Variants in FAM184B observed in about 807,000 individuals in gnomAD.
FAM184B encodes family with sequence similarity 184 member B.
In FAM184B, 111 loss-of-function variants were observed where a neutral mutation model predicts 135.9. The observed-to-expected ratio is 0.82, with a 90% CI of 0.70 to 0.96. The LOEUF is 0.96. Ranked by LOEUF, FAM184B falls within the 40% of genes least tolerant of loss-of-function variation. FAM184B has a pLI of 0.00. For missense variants in FAM184B, 1,375 were observed against 1,323.9 expected (o/e 1.04, Z -0.60); for synonymous variants, 552 against 524.8 (o/e 1.05, Z -0.71).
At chr4:17,678,919 A>G (rs1226635279) in intron 7 of FAM184B, among the ~76,000 whole-genome samples, 4 of 152,022 alleles carry the variant, frequency 2.6e-5, no homozygotes, top group African/African-American at 2.4e-5. Context: ...CAAAAAACAT[A>G]AAGTGGGGAA....
chr4:17,683,558 A>G (rs1716497194), intron 7 of FAM184B, among the ~76,000 whole-genome samples: 3 of 152,184 alleles, frequency 2.0e-5, no homozygotes, highest in Admixed American at 2.0e-4. Context: ...TTGCTTAACT[A>G]CTATACTATA....
At chr4:17,660,213 A>C (rs2108942154) in intron 8 of FAM184B, 126 bp from the exon 9 acceptor site, 1 of 1,155,266 alleles carries the variant, frequency 8.7e-7, no homozygotes, top group African/African-American at 1.6e-5. Flanking sequence ...TGGGGATTAG[A>C]AACATCTTGC....
chr4:17,730,711 C>T (rs1216088130), intron 1 of FAM184B, among the ~76,000 whole-genome samples: 1 of 152,168 alleles, frequency 6.6e-6, no homozygotes, highest in African/African-American at 2.4e-5. Flanking sequence ...CAGCTCCTCA[C>T]CAGCAATGGA....
At chr4:17,773,859 G>A (rs1177939908) in intron 1 of FAM184B, among the ~76,000 whole-genome samples, 2 of 152,182 alleles carry the variant, frequency 1.3e-5, no homozygotes, top group African/African-American at 4.8e-5. Context: ...TTACAGGTGT[G>A]AGCCACCGCG....
intron 1 of FAM184B, among the ~76,000 whole-genome samples, chr4:17,740,375 T>G (rs1001005932): frequency 1.5e-4 from 15 of 100,574 alleles, no homozygotes; most frequent in Non-Finnish European, 2.9e-4. Flanking sequence ...AAAAAAAAAG[T>G]CTGTGGAGTC....
chr4:17,642,366 TC>T, intron 12 of FAM184B, 138 bp from the exon 13 acceptor site: 2 of 1,362,266 alleles, frequency 1.5e-6, no homozygotes, highest in Non-Finnish European at 9.4e-7. Context: ...GCTCCTGAGT[TC>T]CCTGCAGGGA....
rs55801096 is a variant in FAM184B at position 17,740,351 on chromosome 4, C to CAAAAAA, written c.142-30713_142-30708dup. Reference sequence around the variant, plus strand: ...TGGGCGACAGAGTAAGACCCTGTCTCAAAAAAAAAAAAAAAAAAAAAAGTC... The same window carrying CAAAAAA: ...TGGGCGACAGAGTAAGACCCTGTCTCAAAAAAAAAAAAAAAAAAAAAAAAAAAAGTC... On this transcript the variant is annotated intron_variant, in intron 1 of 17. Transcript: ENST00000265018. 4.6e-4 allele frequency among the ~76,000 whole-genome samples: 39 copies of CAAAAAA among 84,510 alleles called. 2 individuals carry two copies. Among genetic ancestry groups the CAAAAAA allele is most frequent in the African/African-American group, 1.8e-3 (36 of 19,820 alleles). The allele number at this position is 84,510 out of a possible 152,430, so 55.4% of individuals were successfully genotyped here.
At chr4:17,635,186 C>T (rs1715089149) in intron 15 of FAM184B, 73 bp from the exon 16 acceptor site, 3 of 1,194,240 alleles carry the variant, frequency 2.5e-6, no homozygotes, top group Non-Finnish European at 3.6e-6. Flanking sequence ...AGGAAGATGG[C>T]TGTGAGGGCA....
intron 16 of FAM184B, among the ~76,000 whole-genome samples, chr4:17,634,789 GAC>G (rs1296227701): frequency 1.3e-5 from 2 of 151,772 alleles, no homozygotes; most frequent in African/African-American, 2.4e-5. Context: ...TCTTAATACT[GAC>G]ACACATTTAT....
At chr4:17,666,730 ACGTTGACTTGT>A (rs1716058639) in intron 7 of FAM184B, among the ~76,000 whole-genome samples, 1 of 151,680 alleles carries the variant, frequency 6.6e-6, no homozygotes, top group Non-Finnish European at 1.5e-5. Context: ...TCACGGCCTA[ACGTTGACTTGT>A]CCACTTTTTA....
At chr4:17,692,068 G>T (rs980686652) in intron 6 of FAM184B, among the ~76,000 whole-genome samples, 7 of 143,654 alleles carry the variant, frequency 4.9e-5, no homozygotes, top group Non-Finnish European at 1.1e-4. Flanking sequence ...AAAAAAAAAA[G>T]AATAACTGGG....
Position 17,657,431 on chromosome 4 carries a change from C to T in FAM184B, c.2037+919G>A, listed in dbSNP as rs145978945. On this transcript the variant is annotated intron_variant, in intron 10 of 17. Transcript: ENST00000265018. Reference sequence around the variant, plus strand: ...CCTGGCATCGTAGCTCTCTTTTATTCCCTCTCCCTTGGTTTGCTCCCTTGT... The same window carrying T: ...CCTGGCATCGTAGCTCTCTTTTATTTCCTCTCCCTTGGTTTGCTCCCTTGT... 9.0e-3 allele frequency among the ~76,000 whole-genome samples: 1,371 copies of T among 152,244 alleles called. 24 individuals are homozygous for T. Among genetic ancestry groups the T allele is most frequent in the African/African-American group, 0.032 (1,314 of 41,544 alleles).
At chr4:17,716,790 C>T (rs1243287239) in intron 1 of FAM184B, among the ~76,000 whole-genome samples, 1 of 152,098 alleles carries the variant, frequency 6.6e-6, no homozygotes, top group Admixed American at 6.6e-5. Context: ...TTGGCATTCT[C>T]AATACCAGAG....
At chr4:17,761,425 A>G (rs1053317061) in intron 1 of FAM184B, among the ~76,000 whole-genome samples, 10 of 152,012 alleles carry the variant, frequency 6.6e-5, no homozygotes, top group Non-Finnish European at 1.5e-5. Flanking sequence ...TAAGCTATCC[A>G]CTCTGTGGCA....
At chr4:17,757,234 A>C (rs1181544366) in intron 1 of FAM184B, among the ~76,000 whole-genome samples, 1 of 152,204 alleles carries the variant, frequency 6.6e-6, no homozygotes, top group Non-Finnish European at 1.5e-5. Flanking sequence ...CCTATAGATC[A>C]AATAACTCAG....
chr4:17,714,353 C>A (rs1029357186), intron 1 of FAM184B, among the ~76,000 whole-genome samples: 15 of 152,064 alleles, frequency 9.9e-5, no homozygotes, highest in African/African-American at 2.4e-5. Context: ...TTAAGAAGGG[C>A]TTATGTCCTT....
chr4:17,765,861 T>C (rs1718664822), intron 1 of FAM184B, among the ~76,000 whole-genome samples: 1 of 152,112 alleles, frequency 6.6e-6, no homozygotes, highest in South Asian at 2.1e-4. Flanking sequence ...TTCTGGAGAG[T>C]TCGGGGTCTC....
In FAM184B at chr4:17,631,365, G is replaced by C. The variant is rs4698638; in HGVS notation, c.*1167C>G. The C allele has an allele frequency of 0.53, 79,983 of 152,048 alleles. 23,670 individuals carry two copies. The highest frequency in any genetic ancestry group is 0.88 in the East Asian group (4,548 of 5,168). The allele number at this position is 152,048 out of a possible 1,614,324, so 9.4% of individuals were successfully genotyped here. ...TTTTTGTAGAGATGGAGGTCTCGCT[G>C]TGTTGCCCAGGCTGGTCTCAAATTC... On this transcript the variant is annotated 3_prime_UTR_variant, in exon 18 of 18. Transcript: ENST00000265018.
intron 12 of FAM184B, among the ~76,000 whole-genome samples, chr4:17,643,209 G>A (rs1483639982): frequency 2.0e-5 from 3 of 152,230 alleles, no homozygotes; most frequent in Non-Finnish European, 2.9e-5. Context: ...AGAGATATGA[G>A]AATTAGATCC....
Sources: allele counts gnomAD v4.1 joint callset (sites outside exome capture counted in the v4.1 genomes callset), GRCh38; gene constraint gnomAD v4.1.1; transcripts MANE v1.5; gene names NCBI Gene and HGNC (gene_info 2026-07-23, HGNC 2026-07-21).